Variants in MAP4K5 observed in about 807,000 individuals in gnomAD.
MAP4K5 encodes mitogen-activated protein kinase kinase kinase kinase 5.
A neutral mutation model predicts 135.6 loss-of-function variants in MAP4K5; 82 were observed. The ratio of observed to expected loss-of-function variants is 0.60; its 90% CI spans 0.51 to 0.73. The LOEUF is 0.73. Ranked by LOEUF, MAP4K5 falls within the 30% of genes least tolerant of loss-of-function variation. MAP4K5 has a pLI of 0.00. For missense variants in MAP4K5, 907 were observed against 1,010.9 expected (o/e 0.90, Z 1.39); for synonymous variants, 347 against 335.0 (o/e 1.04, Z -0.39).
At chr14:50,467,387 T>C (rs2036856224) in intron 10 of MAP4K5, among the ~76,000 whole-genome samples, 1 of 152,096 alleles carries the variant, frequency 6.6e-6, no homozygotes, top group Non-Finnish European at 1.5e-5. Flanking sequence ...CCCACCATTC[T>C]ATTATTTAAA....
chr14:50,499,428 C>T (rs1252150969), intron 3 of MAP4K5, among the ~76,000 whole-genome samples: 1 of 152,026 alleles, frequency 6.6e-6, no homozygotes, highest in Non-Finnish European at 1.5e-5. Flanking sequence ...GAGGCCTAGA[C>T]GGGCAGATCA....
At chr14:50,436,976 T>C (rs2036108721) in intron 26 of MAP4K5, among the ~76,000 whole-genome samples, 2 of 152,154 alleles carry the variant, frequency 1.3e-5, no homozygotes, top group African/African-American at 4.8e-5. Context: ...CTGTTCTAAA[T>C]TGTAATCGTA....
chr14:50,422,592 AAAG>A (rs1398287085), intron 32 of MAP4K5, among the ~76,000 whole-genome samples: 1 of 152,170 alleles, frequency 6.6e-6, no homozygotes, highest in Non-Finnish European at 1.5e-5. Context: ...AAAAAGAAAA[AAAG>A]AAGTAGGCAG....
At chr14:50,420,244 C>T in intron 32 of MAP4K5, 138 bp from the exon 33 acceptor site, 1 of 650,512 alleles carries the variant, frequency 1.5e-6, no homozygotes, top group South Asian at 1.8e-5. Context: ...CAATCAAATT[C>T]AGCTTTACAT....
chr14:50,443,665 C>A, intron 20 of MAP4K5, 64 bp downstream of exon 20: 3 of 1,337,074 alleles, frequency 2.2e-6, no homozygotes, highest in Non-Finnish European at 1.0e-6. Flanking sequence ...TATTGATAGC[C>A]AATATATTGC....
Position 50,428,684 on chromosome 14 carries a change from A to G in MAP4K5, c.2304T>C (p.Phe768=). 1 of 1,521,824 alleles carries G rather than the reference A, an allele frequency of 6.6e-7. No individual in the cohort carries two copies. Among genetic ancestry groups the G allele is most frequent in the South Asian group, 1.3e-5 (1 of 77,174 alleles). 94.3% of individuals were successfully genotyped at this position (1,521,824 alleles called of 1,614,324 possible). Reference sequence around the variant, plus strand: ...TACCTACAGATTCAATGCGAAAATCAAAACTTAACTCAGAGGCCAGTTTCT... The same window carrying G: ...TACCTACAGATTCAATGCGAAAATCGAAACTTAACTCAGAGGCCAGTTTCT... ...SSKKLASELS[F]DFRIESVVCL... The change falls in exon 30 of 33, where the codon TTT becomes TTC. Residue 768 remains phenylalanine, a synonymous_variant. Coordinates refer to ENST00000682126, the MANE Select transcript of MAP4K5 (RefSeq NM_006575.6).
intron 2 of MAP4K5, among the ~76,000 whole-genome samples, chr14:50,515,237 G>C (rs1038894960): frequency 1.3e-5 from 2 of 152,012 alleles, no homozygotes; most frequent in Non-Finnish European, 2.9e-5. Context: ...TATGACCCCT[G>C]GTTCACAGTT....
chr14:50,455,883 A>C (rs1179661818), intron 14 of MAP4K5, among the ~76,000 whole-genome samples: 1 of 152,108 alleles, frequency 6.6e-6, no homozygotes, highest in Non-Finnish European at 1.5e-5. Context: ...AAATTAATTT[A>C]GCTAAGGTGA....
At position 50,437,531 on chromosome 14, in the gene MAP4K5, T is replaced by C; in HGVS notation, c.1827A>G (p.Lys609=). The change falls in exon 26 of 33, where the codon AAA becomes AAG. Residue 609 remains lysine (K), a synonymous_variant. Coordinates refer to ENST00000682126, the MANE Select transcript of MAP4K5 (RefSeq NM_006575.6). ...CAGGAATCTTTGTTGTTAAAGCGAA[T>C]TTTCTGAAAACGTAAGACGATATAA... ...HRFPDRILPR[K]FALTTKIPDT... 1 of 1,597,326 alleles carries C rather than the reference T, an allele frequency of 6.3e-7. No individual in the cohort carries two copies. Among genetic ancestry groups the C allele is most frequent in the Non-Finnish European group, 8.5e-7 (1 of 1,171,972 alleles).
In MAP4K5 at chr14:50,477,696, G is replaced by C. The variant is rs140783040; in HGVS notation, c.379-1390C>G. ...TTTTTTTTATCAGGAATGAATGTTG[G>C]ATTTTGCTAAATGCCCTGTGTGTAT... On this transcript the variant is annotated intron_variant, in intron 6 of 32. Coordinates refer to ENST00000682126, the MANE Select transcript of MAP4K5 (RefSeq NM_006575.6). Among the ~76,000 whole-genome samples, 1,178 of 152,100 alleles carry C rather than the reference G, an allele frequency of 7.7e-3. 10 individuals are homozygous for C. The highest frequency in any genetic ancestry group is 0.012 in the Non-Finnish European group (817 of 67,968).
intron 9 of MAP4K5, among the ~76,000 whole-genome samples, chr14:50,470,788 GAAT>G (rs1456546997): frequency 6.6e-6 from 1 of 151,860 alleles, no homozygotes; most frequent in African/African-American, 2.4e-5. Flanking sequence ...CCACTGAATT[GAAT>G]AAATGTAATT....
intron 14 of MAP4K5, 165 bp from the exon 15 acceptor site, chr14:50,448,997 T>A: frequency 1.8e-6 from 1 of 550,234 alleles, no homozygotes; most frequent in Non-Finnish European, 3.2e-6. Context: ...TTGTTATGCT[T>A]ACCAAAAGTA....
upstream of MAP4K5, among the ~76,000 whole-genome samples, chr14:50,534,982 A>T (rs2038474489): frequency 6.6e-6 from 1 of 152,228 alleles, no homozygotes; most frequent in African/African-American, 2.4e-5. Flanking sequence ...ATGGTAACTG[A>T]CCAGAGAGTT....
chr14:50,465,029 G>A (rs28404029), intron 11 of MAP4K5, among the ~76,000 whole-genome samples: 2,768 of 152,312 alleles, frequency 0.018, 34 homozygotes, highest in Non-Finnish European at 0.028. Context: ...TAGAGCAACA[G>A]GGAAAAGGAA....
At chr14:50,432,065 G>A (rs1461945234) in intron 28 of MAP4K5, among the ~76,000 whole-genome samples, 1 of 152,158 alleles carries the variant, frequency 6.6e-6, no homozygotes, top group Admixed American at 6.5e-5. Flanking sequence ...TTCAAAAATA[G>A]TTTTTCTTAG....
intron 20 of MAP4K5, among the ~76,000 whole-genome samples, chr14:50,443,154 AT>A (rs1350803702): frequency 6.6e-6 from 1 of 152,204 alleles, no homozygotes; most frequent in African/African-American, 2.4e-5. Flanking sequence ...ATTCAGTAAC[AT>A]TATAGTGATT....
intron 9 of MAP4K5, among the ~76,000 whole-genome samples, chr14:50,470,843 A>G (rs1399676179): frequency 1.3e-5 from 2 of 152,176 alleles, no homozygotes; most frequent in Non-Finnish European, 2.9e-5. Flanking sequence ...TTTTATCATT[A>G]AAATAGTGTG....
At chr14:50,502,166 G>A (rs1191104328) in intron 3 of MAP4K5, among the ~76,000 whole-genome samples, 1 of 152,000 alleles carries the variant, frequency 6.6e-6, no homozygotes, top group African/African-American at 2.4e-5. Context: ...ATAGCCTATG[G>A]CTCAAGGTCA....
intron 2 of MAP4K5, among the ~76,000 whole-genome samples, chr14:50,520,373 C>T (rs900552656): frequency 6.6e-6 from 1 of 152,092 alleles, no homozygotes; most frequent in Non-Finnish European, 1.5e-5. Flanking sequence ...TGGCAGCGTG[C>T]GCCTGTAGTC....
Sources: allele counts gnomAD v4.1 joint callset (sites outside exome capture counted in the v4.1 genomes callset), GRCh38; gene constraint gnomAD v4.1.1; transcripts MANE v1.5; gene names NCBI Gene and HGNC (gene_info 2026-07-23, HGNC 2026-07-21).